The following ROBO1 variants were observed in gnomAD, a reference collection of about 807,000 sequenced individuals.
The protein encoded by ROBO1 is roundabout guidance receptor 1.
In ROBO1, 149 loss-of-function variants were observed where a neutral mutation model predicts 195.9. The ratio of observed to expected loss-of-function variants is 0.76; its 90% CI spans 0.67 to 0.87. The LOEUF is 0.87. Ranked by LOEUF, ROBO1 falls within the 40% of genes least tolerant of loss-of-function variation. ROBO1 has a pLI of 0.00. For missense variants in ROBO1, 1,933 were observed against 2,068.3 expected, an observed-to-expected ratio of 0.93 and a Z score of 1.27; for synonymous variants, 816 against 733.2, an observed-to-expected ratio of 1.11 and a Z score of -1.82.
chr3:78,747,025 T>A, intron 4 of ROBO1, 125 bp from the exon 5 acceptor site: 1 of 523,654 alleles, frequency 1.9e-6, no homozygotes, highest in Non-Finnish European at 3.0e-6. Context: ...GCAATACAGC[T>A]TTAAGAATCT....
At chr3:78,957,158 C>T (rs1057011922) in intron 3 of ROBO1, among the ~76,000 whole-genome samples, 1 of 151,694 alleles carries the variant, frequency 6.6e-6, no homozygotes, top group African/African-American at 2.4e-5. Flanking sequence ...TTCTGAAAAC[C>T]AACAAATATT....
intron 26 of ROBO1, among the ~76,000 whole-genome samples, chr3:78,624,635 A>G (rs1205885250): frequency 6.6e-6 from 1 of 152,142 alleles, no homozygotes; most frequent in Non-Finnish European, 1.5e-5. Context: ...TACTTTACTG[A>G]AGAAAGCTCT....
At chr3:79,066,888 A>G (rs984847189) in intron 3 of ROBO1, among the ~76,000 whole-genome samples, 2 of 152,096 alleles carry the variant, frequency 1.3e-5, no homozygotes, top group East Asian at 3.9e-4. Context: ...GCTTTACTCC[A>G]AAGTTGGATG....
At chr3:79,094,134 C>A (rs62259666) in intron 3 of ROBO1, among the ~76,000 whole-genome samples, 1 of 151,884 alleles carries the variant, frequency 6.6e-6, no homozygotes, top group Non-Finnish European at 1.5e-5. Context: ...TGAGAAGAAC[C>A]AAGATTACGT....
intron 3 of ROBO1, among the ~76,000 whole-genome samples, chr3:79,063,664 C>T (rs903309056): frequency 1.3e-5 from 2 of 151,872 alleles, no homozygotes; most frequent in Admixed American, 1.3e-4. Flanking sequence ...GATTCCAAGA[C>T]ACCCAATGGT....
chr3:79,400,428 A>G (rs1436138574), intron 2 of ROBO1, among the ~76,000 whole-genome samples: 1 of 152,062 alleles, frequency 6.6e-6, no homozygotes, highest in East Asian at 1.9e-4. Context: ...TCCCATTTCA[A>G]GTTCTTCTCT....
intron 2 of ROBO1, among the ~76,000 whole-genome samples, chr3:79,297,753 G>A (rs1225146927): frequency 1.3e-5 from 2 of 152,102 alleles, no homozygotes; most frequent in African/African-American, 4.8e-5. Context: ...GTGAGATCAT[G>A]TCACTACTAT....
intron 2 of ROBO1, among the ~76,000 whole-genome samples, chr3:79,178,820 T>C (rs1406774030): frequency 1.3e-5 from 2 of 152,182 alleles, no homozygotes; most frequent in African/African-American, 4.8e-5. Context: ...TCAAAACTGA[T>C]AATGATGTAG....
intron 1 of ROBO1, among the ~76,000 whole-genome samples, chr3:79,613,614 A>G (rs966420617): frequency 2.6e-5 from 4 of 152,014 alleles, no homozygotes; most frequent in African/African-American, 9.7e-5. Flanking sequence ...GATTAGATGA[A>G]AAAACAAGAG....
At chr3:79,651,368 AT>A (rs373029312) in intron 1 of ROBO1, among the ~76,000 whole-genome samples, 1 of 152,086 alleles carries the variant, frequency 6.6e-6, no homozygotes, top group Admixed American at 6.6e-5. Flanking sequence ...TTTTCTGTGT[AT>A]TTTTTAGGCT....
At chr3:78,766,594 T>C (rs145963502) in intron 4 of ROBO1, among the ~76,000 whole-genome samples, 1 of 152,194 alleles carries the variant, frequency 6.6e-6, no homozygotes, top group African/African-American at 2.4e-5. Context: ...CTTTACTGAT[T>C]TGGATGCCCT....
chr3:78,874,762 T>A (rs986152547), intron 4 of ROBO1, among the ~76,000 whole-genome samples: 8 of 151,926 alleles, frequency 5.3e-5, no homozygotes, highest in Admixed American at 2.0e-4. Context: ...CTATAACAGA[T>A]CAAAATCTCA....
chr3:79,626,124 C>G (rs1184859416), intron 1 of ROBO1, among the ~76,000 whole-genome samples: 1 of 152,058 alleles, frequency 6.6e-6, no homozygotes, highest in Admixed American at 6.6e-5. Flanking sequence ...GCAGAAAAAG[C>G]CTTCGATAAA....
chr3:79,663,382 C>A (rs866232079), intron 1 of ROBO1, among the ~76,000 whole-genome samples: 2 of 151,940 alleles, frequency 1.3e-5, no homozygotes, highest in South Asian at 2.1e-4. Flanking sequence ...CAACATATAC[C>A]ATTGTGCACC....
chr3:78,932,459 C>T (rs558141122), intron 4 of ROBO1, among the ~76,000 whole-genome samples: 1 of 152,128 alleles, frequency 6.6e-6, no homozygotes, highest in Non-Finnish European at 1.5e-5. Flanking sequence ...TCACCCTTAA[C>T]CCCAAGATTA....
chr3:79,439,168 C>A (rs543442713), intron 2 of ROBO1, among the ~76,000 whole-genome samples: 1 of 151,896 alleles, frequency 6.6e-6, no homozygotes, highest in Admixed American at 6.6e-5. Context: ...GAAGATAATA[C>A]CACTAATAAA....
chr3:79,700,926 C>T (rs1259378960), intron 1 of ROBO1, among the ~76,000 whole-genome samples: 1 of 151,608 alleles, frequency 6.6e-6, no homozygotes, highest in Non-Finnish European at 1.5e-5. Context: ...AAAGTGTTTC[C>T]TAAGTTTTCT....
At chr3:79,614,564 C>A (rs1034168259) in intron 1 of ROBO1, among the ~76,000 whole-genome samples, 1 of 151,958 alleles carries the variant, frequency 6.6e-6, no homozygotes, top group African/African-American at 2.4e-5. Flanking sequence ...TTTATATAGT[C>A]TAGCAATAAA....
Position 78,667,766 on chromosome 3 carries a change from A to G in ROBO1, c.1966+117T>C, listed in dbSNP as rs982829633. 8 of 1,037,414 alleles carry G rather than the reference A, an allele frequency of 7.7e-6. No homozygotes were observed. In the Admixed American group the frequency reaches 2.1e-4, roughly 28 times the overall value. 64.3% of individuals were successfully genotyped at this position (1,037,414 alleles called of 1,614,324 possible). ...AAAAATTAATTAAGCAACTTGGGCAACTTGAACAACACACTGTAAATGTAC... is the reference window on the plus strand; with the variant it reads ...AAAAATTAATTAAGCAACTTGGGCAGCTTGAACAACACACTGTAAATGTAC... On this transcript the variant is annotated intron_variant, in intron 14 of 30. Transcript: ENST00000464233.
Sources: allele counts gnomAD v4.1 joint callset (sites outside exome capture counted in the v4.1 genomes callset), GRCh38; gene constraint gnomAD v4.1.1; transcripts MANE v1.5; gene names NCBI Gene and HGNC (gene_info 2026-07-23, HGNC 2026-07-21).